TINAG: variants seen among roughly 807,000 people sequenced by gnomAD.
TINAG encodes the protein tubulointerstitial nephritis antigen.
A neutral mutation model predicts 72.7 loss-of-function variants in TINAG; 83 were observed. The observed-to-expected ratio is 1.14, with a 90% CI of 0.96 to 1.37. TINAG has a LOEUF of 1.37. Ranked by LOEUF, TINAG falls within the 40% of genes most tolerant of loss-of-function variation. The probability of loss-of-function intolerance (pLI) is 0.00; values close to 1 mark genes in which losing one functional copy is unlikely to be tolerated. For synonymous variants in TINAG, 234 were observed against 189.9 expected, an observed-to-expected ratio of 1.23 and a Z score of -1.91; for missense variants, 685 against 576.6, an observed-to-expected ratio of 1.19 and a Z score of -1.93.
chr6:54,355,670 A>T (rs574661532), intron 9 of TINAG, among the ~76,000 whole-genome samples: 15 of 151,522 alleles, frequency 9.9e-5, no homozygotes, highest in Non-Finnish European at 2.1e-4. Context: ...TGTGATTTTC[A>T]TGTTAATGTA....
chr6:54,364,540 T>C (rs1358530157), intron 9 of TINAG, among the ~76,000 whole-genome samples: 1 of 151,444 alleles, frequency 6.6e-6, no homozygotes, highest in Non-Finnish European at 1.5e-5. Context: ...CACATAATAG[T>C]TTGTCATGAT....
At chr6:54,337,399 A>G (rs1784892322) in intron 4 of TINAG, among the ~76,000 whole-genome samples, 1 of 151,982 alleles carries the variant, frequency 6.6e-6, no homozygotes, top group Non-Finnish European at 1.5e-5. Flanking sequence ...GATTACAGGC[A>G]TCTGCCACCA....
At chr6:54,384,990 G>T (rs1005799084) in intron 10 of TINAG, among the ~76,000 whole-genome samples, 1 of 152,120 alleles carries the variant, frequency 6.6e-6, no homozygotes, top group Admixed American at 6.6e-5. Context: ...AATATACCAT[G>T]ATGAAACTTT....
At chr6:54,309,869 C>T (rs1784198852) in intron 1 of TINAG, among the ~76,000 whole-genome samples, 1 of 150,846 alleles carries the variant, frequency 6.6e-6, no homozygotes. Context: ...AATCCAGATG[C>T]CATAGCCATC....
In TINAG at chr6:54,349,872, T is replaced by C; in HGVS notation, c.1056T>C (p.Ser352=). The part of the protein sequence containing the change: ...VEKSNRIYQC[S]PPYRVSSNET... ...AATCTAACAGGATCTATCAATGTTC[T>C]CCTCCATACAGAGTCTCTTCCAACG... Residue 352 remains serine (S), a synonymous_variant, in exon 7 of 11, where the codon TCT becomes TCC. Transcript: ENST00000259782. 4.4e-6 allele frequency: 7 copies of C among 1,599,276 alleles called. No individual in the cohort carries two copies. Among genetic ancestry groups the C allele is most frequent in the Non-Finnish European group, 5.1e-6 (6 of 1,171,166 alleles).
intron 9 of TINAG, among the ~76,000 whole-genome samples, 183 bp downstream of exon 9, chr6:54,354,819 T>A (rs1176552674): frequency 6.6e-6 from 1 of 151,862 alleles, no homozygotes; most frequent in Non-Finnish European, 1.5e-5. Context: ...TAACTCAGCA[T>A]TCTGGGAAAA....
intron 7 of TINAG, 43 bp from the exon 8 acceptor site, chr6:54,351,309 C>G (rs371041206): frequency 3.2e-6 from 5 of 1,543,882 alleles, no homozygotes; most frequent in African/African-American, 2.7e-5. Flanking sequence ...GTTTAGTATG[C>G]TCTGATAACA....
At chr6:54,318,283 CTAGGTTTTATCTAA>C (rs1242750559) in intron 1 of TINAG, among the ~76,000 whole-genome samples, 3 of 152,150 alleles carry the variant, frequency 2.0e-5, no homozygotes, top group African/African-American at 7.2e-5. Context: ...GATGTCTAGC[CTAGGTTTTATCTAA>C]ATCTAAAATA....
intron 6 of TINAG, among the ~76,000 whole-genome samples, chr6:54,349,474 G>T (rs1785208662): frequency 6.6e-6 from 1 of 151,740 alleles, no homozygotes. Flanking sequence ...ACTACAGATA[G>T]AATTATTTAT....
At chr6:54,362,404 G>A (rs1352843644) in intron 9 of TINAG, among the ~76,000 whole-genome samples, 1 of 151,542 alleles carries the variant, frequency 6.6e-6, no homozygotes, top group Non-Finnish European at 1.5e-5. Flanking sequence ...AATAAAACCT[G>A]GATGACAGCA....
chr6:54,371,720 ATTTG>A (rs1763613925), intron 9 of TINAG, among the ~76,000 whole-genome samples: 1 of 152,012 alleles, frequency 6.6e-6, no homozygotes, highest in African/African-American at 2.4e-5. Flanking sequence ...ATGTGATTCT[ATTTG>A]TTTAAGAAAG....
chr6:54,375,840 C>T (rs977721363), intron 9 of TINAG, among the ~76,000 whole-genome samples: 7 of 152,150 alleles, frequency 4.6e-5, no homozygotes, highest in Non-Finnish European at 8.8e-5. Context: ...AGACTATACC[C>T]GATGCTAACA....
intron 4 of TINAG, among the ~76,000 whole-genome samples, chr6:54,327,988 T>C (rs1208999883): frequency 6.6e-6 from 1 of 151,938 alleles, no homozygotes; most frequent in Non-Finnish European, 1.5e-5. Context: ...TAGATAAAAC[T>C]CCCATCTCCC....
intron 9 of TINAG, 137 bp from the exon 10 acceptor site, chr6:54,380,389 G>A (rs1763911600): frequency 3.3e-6 from 2 of 605,846 alleles, no homozygotes; most frequent in South Asian, 4.6e-5. Context: ...TAGGGCAATG[G>A]TGATATTTCC....
At chr6:54,325,277 G>T (rs1439614219) in intron 3 of TINAG, among the ~76,000 whole-genome samples, 2 of 152,178 alleles carry the variant, frequency 1.3e-5, no homozygotes, top group African/African-American at 4.8e-5. Context: ...GTTTCTTAAG[G>T]TATGAGCTTC....
intron 10 of TINAG, among the ~76,000 whole-genome samples, chr6:54,388,842 G>T (rs564884468): frequency 1.3e-5 from 2 of 151,712 alleles, no homozygotes; most frequent in African/African-American, 4.8e-5. Context: ...AATTCCTGTT[G>T]ATTTTACTTT....
rs41276060 is a variant in TINAG at position 54,308,786 on chromosome 6, C to T, written c.236C>T (p.Ala79Val). The change falls in exon 1 of 11, where the codon GCG (alanine) becomes GTG (valine). Residue 79 changes from alanine to valine, a missense_variant. Ala to Val is a moderately conservative substitution (Grantham distance 64). Coordinates refer to ENST00000259782, the MANE Select transcript of TINAG (RefSeq NM_014464.4). ...GTCACTGAGTTCTATGCGGCGAATG[C>T]GTTGTGCTACTGTGATAAATTCTGT... ...GCVTEFYAANALCYCDKFCDR... is the reference protein window; with the variant it reads ...GCVTEFYAANVLCYCDKFCDR... 3.8e-4 allele frequency: 607 copies of T among 1,613,808 alleles called. 2 individuals carry two copies. In the East Asian group the frequency reaches 6.1e-3, roughly 16 times the overall value.
intron 9 of TINAG, among the ~76,000 whole-genome samples, chr6:54,363,830 T>G (rs1449770662): frequency 6.6e-6 from 1 of 151,332 alleles, no homozygotes; most frequent in East Asian, 2.0e-4. Flanking sequence ...AGGAGAGAGT[T>G]GCTAATGTAG....
Position 54,349,830 on chromosome 6 carries a change from T to C in TINAG, c.1014T>C (p.Cys338=). ...GAAAACGGCATGCCACGAAGCCATG[T>C]CCCAACAACGTAGAAAAATCTAACA... The part of the protein sequence containing the change: ...GRGKRHATKP[C]PNNVEKSNRI... The change falls in exon 7 of 11, where the codon TGT becomes TGC. Residue 338 remains cysteine (C), a synonymous_variant. Coordinates refer to ENST00000259782, the MANE Select transcript of TINAG (RefSeq NM_014464.4). 1 of 1,610,588 alleles carries C rather than the reference T, an allele frequency of 6.2e-7. No individual in the cohort carries two copies. Among genetic ancestry groups the C allele is most frequent in the Non-Finnish European group, 8.5e-7 (1 of 1,177,836 alleles).
Sources: allele counts gnomAD v4.1 joint callset (sites outside exome capture counted in the v4.1 genomes callset), GRCh38; gene constraint gnomAD v4.1.1; transcripts MANE v1.5; gene names NCBI Gene and HGNC (gene_info 2026-07-23, HGNC 2026-07-21).